The following USP3 variants were observed in gnomAD, a reference collection of about 807,000 sequenced individuals.
USP3 encodes ubiquitin specific peptidase 3.
In USP3, 20 loss-of-function variants were observed where a neutral mutation model predicts 72.3. That is an observed-to-expected ratio of 0.28 (90% CI 0.19 to 0.40). USP3 has a LOEUF of 0.40. USP3 is among the 10% of genes least tolerant of loss of function. The probability of loss-of-function intolerance (pLI) is 1.00; values close to 1 mark genes in which losing one functional copy is unlikely to be tolerated. For synonymous variants in USP3, 222 were observed against 225.3 expected, an observed-to-expected ratio of 0.99 and a Z score of 0.13; for missense variants, 479 against 633.9, an observed-to-expected ratio of 0.76 and a Z score of 2.62.
At chr15:63,507,754 C>G (rs1319724903) in intron 1 of USP3, among the ~76,000 whole-genome samples, 5 of 152,166 alleles carry the variant, frequency 3.3e-5, no homozygotes, top group Non-Finnish European at 7.4e-5. Context: ...ACTTTTTGAT[C>G]TTAGGACCCC....
chr15:63,588,927 TCTTC>T lies in USP3; in HGVS notation c.1330-13_1330-10del. 1 of 1,614,158 alleles carries T rather than the reference TCTTC, an allele frequency of 6.2e-7. No individual in the cohort carries two copies. On this transcript the variant is annotated splice_polypyrimidine_tract_variant and intron_variant, in intron 13 of 14. Coordinates refer to ENST00000380324, the MANE Select transcript of USP3 (RefSeq NM_006537.4). The surrounding 1 kb of genome is among the most constrained non-coding windows in gnomAD (Gnocchi z 4.6). ...ACTGATGTCATTGACCACTGCTCCT[TCTTC>T]CTTGTTCTGTAGCCTGAGAACAGTG...
At chr15:63,555,900 A>G (rs2066499625) in intron 4 of USP3, among the ~76,000 whole-genome samples, 1 of 152,206 alleles carries the variant, frequency 6.6e-6, no homozygotes, top group African/African-American at 2.4e-5. Context: ...TGAACTGGGT[A>G]CTTTTAGAAG....
chr15:63,539,244 T>C (rs945896330), intron 3 of USP3, among the ~76,000 whole-genome samples: 3 of 152,176 alleles, frequency 2.0e-5, no homozygotes, highest in Non-Finnish European at 4.4e-5. Flanking sequence ...ATTCTTGAAG[T>C]ATCTGTCTCA....
intron 2 of USP3, among the ~76,000 whole-genome samples, chr15:63,534,941 T>TTTATTTATTTAC (rs1459432229): frequency 6.6e-6 from 1 of 151,526 alleles, no homozygotes; most frequent in African/African-American, 2.4e-5. Flanking sequence ...TATTTATTTA[T>TTTATTTATTTAC]TTACTTATTG....
At chr15:63,517,452 C>G (rs748754015) in intron 1 of USP3, among the ~76,000 whole-genome samples, 2 of 152,018 alleles carry the variant, frequency 1.3e-5, no homozygotes, top group South Asian at 4.1e-4. Context: ...ATGATTCTTT[C>G]AGATTGGAGG....
intron 6 of USP3, 139 bp downstream of exon 6, chr15:63,558,327 A>C: frequency 2.2e-6 from 2 of 915,460 alleles, no homozygotes; most frequent in Non-Finnish European, 3.3e-6. Context: ...TTGTTTCCTC[A>C]TCAGTAAAAT....
At chr15:63,564,975 G>A (rs545351488) in intron 8 of USP3, among the ~76,000 whole-genome samples, 1 of 152,310 alleles carries the variant, frequency 6.6e-6, no homozygotes, top group African/African-American at 2.4e-5. Flanking sequence ...ACCCTGTGAG[G>A]TATGCAGGTA....
rs187702712 is a variant in USP3 at position 63,531,499 on chromosome 15, A to G, written c.92-1148A>G. The stretch of plus-strand genomic sequence containing the variant: ...CAGGTCAGTGGTACTATAATTAACT[A>G]TCTTTGGGAGGAGCTATTAAACAGT... On this transcript the variant is annotated intron_variant, in intron 1 of 14. Coordinates refer to ENST00000380324, the MANE Select transcript of USP3 (RefSeq NM_006537.4). 6.4e-4 allele frequency among the ~76,000 whole-genome samples: 98 copies of G among 152,306 alleles called. 1 individual carries two copies. The highest frequency in any genetic ancestry group is 1.1e-3 in the Non-Finnish European group (72 of 68,032).
At chr15:63,506,876 G>C (rs1008281002) in intron 1 of USP3, among the ~76,000 whole-genome samples, 2 of 152,196 alleles carry the variant, frequency 1.3e-5, no homozygotes, top group African/African-American at 4.8e-5. Flanking sequence ...CTTTGTGTGA[G>C]TCCACACTCT....
chr15:63,522,786 T>A (rs924105459), intron 1 of USP3, among the ~76,000 whole-genome samples: 2 of 152,266 alleles, frequency 1.3e-5, no homozygotes, highest in South Asian at 2.1e-4. Context: ...TTTGTTCATT[T>A]GAATTTTGAC....
At chr15:63,514,309 C>T (rs1471198471) in intron 1 of USP3, among the ~76,000 whole-genome samples, 1 of 151,158 alleles carries the variant, frequency 6.6e-6, no homozygotes, top group Admixed American at 6.6e-5. Flanking sequence ...AAAATTCTAT[C>T]GATTGTAAAA....
intron 1 of USP3, among the ~76,000 whole-genome samples, chr15:63,523,114 A>G (rs2065940069): frequency 6.6e-6 from 1 of 152,214 alleles, no homozygotes; most frequent in Non-Finnish European, 1.5e-5. Context: ...AGTTACATCA[A>G]TTTTGAAATA....
At chr15:63,516,263 C>G (rs2065849192) in intron 1 of USP3, among the ~76,000 whole-genome samples, 1 of 152,208 alleles carries the variant, frequency 6.6e-6, no homozygotes, top group African/African-American at 2.4e-5. Context: ...CAAGCACTAA[C>G]TCTTTTCTAA....
At chr15:63,524,519 A>G (rs994267108) in intron 1 of USP3, among the ~76,000 whole-genome samples, 23 of 152,228 alleles carry the variant, frequency 1.5e-4, no homozygotes, top group African/African-American at 4.8e-4. Flanking sequence ...TTCAGGAAGA[A>G]CTTGCCTGGG....
At chr15:63,558,214 G>A in intron 6 of USP3, 26 bp downstream of exon 6, 4 of 1,611,232 alleles carry the variant, frequency 2.5e-6, no homozygotes, top group Non-Finnish European at 2.5e-6. Context: ...GAGCTTAAGT[G>A]TCTGACATTA....
At position 63,567,615 on chromosome 15, in the gene USP3, G is replaced by A. The variant is rs147239970; in HGVS notation, c.762-2818G>A. Among the ~76,000 whole-genome samples, 257 of 152,202 alleles carry A rather than the reference G, an allele frequency of 1.7e-3. 3 individuals carry two copies. In the East Asian group the frequency reaches 0.022, roughly 13 times the overall value. ...CCTGCCTCAGCCTCCCAAAGTGCTGGGATTACAGGCGTGAGCCACCGTGCC... is the reference window on the plus strand; with the variant it reads ...CCTGCCTCAGCCTCCCAAAGTGCTGAGATTACAGGCGTGAGCCACCGTGCC... On this transcript the variant is annotated intron_variant, in intron 8 of 14. Coordinates refer to ENST00000380324, the MANE Select transcript of USP3 (RefSeq NM_006537.4).
chr15:63,547,303 A>G (rs530788529), intron 3 of USP3, among the ~76,000 whole-genome samples: 2 of 152,318 alleles, frequency 1.3e-5, no homozygotes, highest in African/African-American at 4.8e-5. Context: ...CGAAAGTTAC[A>G]TTCTTGAAAT....
At chr15:63,589,768 G>A (rs1566922137) in intron 14 of USP3, among the ~76,000 whole-genome samples, 1 of 149,634 alleles carries the variant, frequency 6.7e-6, no homozygotes, top group African/African-American at 2.6e-5. Flanking sequence ...CCTTCCACAT[G>A]TCTTAAATAC....
In USP3 at chr15:63,570,297, C is replaced by CAT. The variant is rs2066758064; in HGVS notation, c.762-135_762-134dup. On this transcript the variant is annotated intron_variant, in intron 8 of 14. Transcript: ENST00000380324. The surrounding 1 kb of genome is among the most constrained non-coding windows in gnomAD (Gnocchi z 4.4). ...TTCTGTCACCTGTGGAGCTTTCGGG[C>CAT]ATGAAGGTGAGGAAGCCTGGCTGTG... 9.0e-7 allele frequency: 1 copy of CAT among 1,110,296 alleles called. No homozygotes were observed. The highest frequency in any genetic ancestry group is 1.3e-6 in the Non-Finnish European group (1 of 787,976). The allele number at this position is 1,110,296 out of a possible 1,614,324, so 68.8% of individuals were successfully genotyped here.
Sources: gnomAD v4.1 joint callset for allele counts (sites outside exome capture counted in the v4.1 genomes callset) on GRCh38, gnomAD v4.1.1 for gene constraint, Gnocchi (gnomAD v3.1) non-coding constraint, MANE v1.5 for transcripts, NCBI Gene and HGNC (gene_info 2026-07-23, HGNC 2026-07-21) for gene names.